Variants in DNAH10 observed in about 807,000 individuals in gnomAD.
The protein encoded by DNAH10 is dynein axonemal heavy chain 10, also known as axonemal beta dynein heavy chain 10.
Under a neutral mutation model 506.6 loss-of-function variants are expected in DNAH10, and 348 were observed. The observed-to-expected ratio is 0.69, with a 90% CI of 0.63 to 0.75. The LOEUF (loss-of-function observed/expected upper bound fraction) is 0.75. Among genes scored for constraint, DNAH10 ranks in the 30% least tolerant of loss-of-function variants. DNAH10 has a pLI of 0.00. For synonymous variants in DNAH10, 2,059 were observed against 2,198.6 expected, an observed-to-expected ratio of 0.94 and a Z score of 1.78; for missense variants, 5,179 against 5,787.1, an observed-to-expected ratio of 0.89 and a Z score of 3.41.
intron 19 of DNAH10, among the ~76,000 whole-genome samples, chr12:123,809,994 C>T (rs1363596023): frequency 2.0e-5 from 3 of 152,172 alleles, no homozygotes; most frequent in African/African-American, 7.2e-5. Context: ...CATCTTCCTA[C>T]CACGTACCAC....
At chr12:123,770,566 C>T (rs553260513) in intron 2 of DNAH10, among the ~76,000 whole-genome samples, 2 of 149,550 alleles carry the variant, frequency 1.3e-5, no homozygotes, top group South Asian at 4.2e-4. Context: ...ATAGACTATT[C>T]CCTTGCCAAC....
rs146982685 is a variant in DNAH10 at position 123,813,174 on chromosome 12, G to A, written c.3155G>A (p.Arg1052His). The A allele has an allele frequency of 2.2e-5, 35 of 1,601,026 alleles. No individual in the cohort carries two copies. In the East Asian group the frequency reaches 2.2e-4, roughly 10 times the overall value. ...TTCTTACTTTGCCAGCATTTTGTTC[G>A]TTGGATGAATGGCAGCTGCATAGAA... ...NCVEITKHFV[R>H]WMNGSCIECP... Residue 1052 changes from arginine (R) to histidine (H), a missense_variant, in exon 20 of 79, where the codon CGT (arginine) becomes CAT (histidine). Transcript: ENST00000673944.
rs7977449 is a variant in DNAH10 at position 123,870,407 on chromosome 12, C to T, written c.7561C>T (p.Arg2521Trp). The part of the protein sequence containing the change: ...TLYDFHFDNK[R>W]NQWVPWSKLV... ...GTATGACTTTCATTTTGATAACAAA[C>T]GGAATCAATGGGTCCCATGGAGTAA... Residue 2521 changes from arginine to tryptophan, a missense_variant, in exon 44 of 79, where the codon CGG (arginine) becomes TGG (tryptophan). Arg to Trp is a moderately radical substitution (Grantham distance 101). Coordinates refer to ENST00000673944, the MANE Select transcript of DNAH10 (RefSeq NM_001372106.1). 9.3e-3 allele frequency: 14,994 copies of T among 1,613,872 alleles called. 194 individuals are homozygous for T. Among genetic ancestry groups the T allele is most frequent in the East Asian group, 0.063 (2,814 of 44,886 alleles).
At chr12:123,920,469 G>C (rs1042449806) in intron 65 of DNAH10, among the ~76,000 whole-genome samples, 10 of 152,358 alleles carry the variant, frequency 6.6e-5, no homozygotes, top group Admixed American at 2.6e-4. Flanking sequence ...CCATGGCTGT[G>C]TTCCAATAAA....
rs758541072 is a variant in DNAH10 at position 123,784,037 on chromosome 12, AG to A, written c.1091del (p.Arg364LysfsTer6). 5 of 1,614,256 alleles carry A rather than the reference AG, an allele frequency of 3.1e-6. No homozygotes were observed. The highest frequency in any genetic ancestry group is 4.2e-6 in the Non-Finnish European group (5 of 1,180,046). On this transcript the variant is annotated frameshift_variant, in exon 8 of 79. Coordinates refer to ENST00000673944, the MANE Select transcript of DNAH10 (RefSeq NM_001372106.1). LOFTEE classifies it high-confidence loss of function. ...TGAACAAACAAAGCTTCCAATAGTC[AG>A]AAAAGTCTTGGATGTGATCAAGGAA... is the stretch of plus-strand genomic sequence containing the variant. ...LHEQTKLPIV[R>X]KVLDVIKESD... is the part of the protein sequence containing the mutation.
At chr12:123,768,928 G>A (rs1454726288) in intron 2 of DNAH10, among the ~76,000 whole-genome samples, 1 of 151,826 alleles carries the variant, frequency 6.6e-6, no homozygotes, top group Non-Finnish European at 1.5e-5. Context: ...TTGTAGAGAT[G>A]GGGTCTCACT....
intron 54 of DNAH10, among the ~76,000 whole-genome samples, chr12:123,896,524 G>A (rs1417381464): frequency 6.6e-6 from 1 of 152,152 alleles, no homozygotes. Flanking sequence ...TGTGCTGGGT[G>A]TCATCCAGCG....
chr12:123,782,394 CCTTT>C (rs761654319), intron 6 of DNAH10, among the ~76,000 whole-genome samples: 136 of 110,138 alleles, frequency 1.2e-3, no homozygotes, highest in African/African-American at 2.8e-3. Flanking sequence ...TCTTTTCTTT[CCTTT>C]CTTTCTTTCT....
At chr12:123,800,474 C>T in intron 15 of DNAH10, 86 bp downstream of exon 15, 2 of 1,220,692 alleles carry the variant, frequency 1.6e-6, no homozygotes, top group East Asian at 2.4e-5. Flanking sequence ...AGGACCCCTC[C>T]AAAAGCTTTC....
chr12:123,818,415 C>T (rs1959182068), intron 21 of DNAH10, among the ~76,000 whole-genome samples: 1 of 151,778 alleles, frequency 6.6e-6, no homozygotes, highest in Non-Finnish European at 1.5e-5. Flanking sequence ...CCTCTGCCTC[C>T]CAGGTTCAAG....
Position 123,813,282 on chromosome 12 carries a change from A to G in DNAH10, c.3263A>G (p.Glu1088Gly). The stretch of plus-strand genomic sequence containing the variant: ...ATCTCTCTGAACCCTCAGATAATTG[A>G]ACAAGCTGTTATGATCCCCCAAAAT... ...NDISLNPQII[E>G]QAVMIPQNVH... Residue 1088 changes from glutamate (E) to glycine (G), a missense_variant, in exon 20 of 79, where the codon GAA becomes GGA. By Grantham distance (98) the Glu-to-Gly change is moderately conservative. Around this residue, in one of 3 missense-constraint regions of DNAH10, gnomAD observed 4,844 missense variants for 5,430.5 expected, o/e 0.89. Transcript: ENST00000673944. 1 of 1,614,206 alleles carries G rather than the reference A, an allele frequency of 6.2e-7. No homozygotes were observed. Among genetic ancestry groups the G allele is most frequent in the African/African-American group, 1.3e-5 (1 of 75,052 alleles).
At position 123,922,984 on chromosome 12, in the gene DNAH10, T is replaced by TA. The variant is rs1566109525; in HGVS notation, c.11507-778dup. On this transcript the variant is annotated intron_variant, in intron 65 of 78. Coordinates refer to ENST00000673944, the MANE Select transcript of DNAH10 (RefSeq NM_001372106.1). ...TTGGGCAGAAAAGAGATTGTTTCTA[T>TA]AGGGCTCACTTAAGTAGCCAACCCT... 2.0e-5 allele frequency: 3 copies of TA among 152,362 alleles called. No individual in the cohort carries two copies. The South Asian group carries it at 6.2e-4, about 32-fold the overall frequency. 9.4% of individuals were successfully genotyped at this position (152,362 alleles called of 1,614,324 possible). A position where few individuals can be genotyped will look rare whatever the true frequency, so the allele number is the denominator to read the frequency against.
At chr12:123,808,488 G>A (rs962809323) in intron 18 of DNAH10, among the ~76,000 whole-genome samples, 36 of 152,342 alleles carry the variant, frequency 2.4e-4, no homozygotes, top group African/African-American at 8.7e-4. Flanking sequence ...AGTAGGGCAG[G>A]CTGGGTGGGG....
intron 64 of DNAH10, 146 bp from the exon 65 acceptor site, chr12:123,918,530 G>T: frequency 2.2e-6 from 2 of 926,344 alleles, no homozygotes; most frequent in South Asian, 3.0e-5. Context: ...CTACAAGAGG[G>T]TGGGTGCCCT....
At position 123,838,676 on chromosome 12, in the gene DNAH10, A is replaced by G; in HGVS notation, c.5123A>G (p.Glu1708Gly). The G allele has an allele frequency of 6.2e-7, 1 of 1,613,692 alleles. No homozygotes were observed. ...LGSSDPLCVQ[E>G]HMIKMYDNIA... ...AGCAGCGACCCACTCTGCGTCCAGG[A>G]GCACATGATCAAGGTCAGCCCTCTG... Residue 1708 changes from glutamate (E) to glycine (G), a missense_variant, in exon 29 of 79, where the codon GAG becomes GGG. Coordinates refer to ENST00000673944, the MANE Select transcript of DNAH10 (RefSeq NM_001372106.1).
chr12:123,924,669 CCCAT>C (rs140637043), intron 67 of DNAH10, among the ~76,000 whole-genome samples: 8,266 of 151,334 alleles, frequency 0.055, 683 homozygotes, highest in African/African-American at 0.18. Context: ...TACCCACCCA[CCCAT>C]CCATCCATTT....
chr12:123,860,969 A>T (rs1951586813), intron 38 of DNAH10, 43 bp from the exon 39 acceptor site: 1 of 1,613,536 alleles, frequency 6.2e-7, no homozygotes, highest in Non-Finnish European at 8.5e-7. Flanking sequence ...TTCCTCATGC[A>T]TTTAGTTGTC....
rs1189108625 is a variant in DNAH10 at position 123,907,107 on chromosome 12, G to C, written c.9816-2154G>C. Among the ~76,000 whole-genome samples, 1 of 152,224 alleles carries C rather than the reference G, an allele frequency of 6.6e-6. No homozygotes were observed. The highest frequency in any genetic ancestry group is 1.5e-5 in the Non-Finnish European group (1 of 68,044). On this transcript the variant is annotated intron_variant, in intron 57 of 78. Transcript: ENST00000673944. This position sits in a 1 kb window ranked among gnomAD's most constrained non-coding sequence, Gnocchi z 4.4. Reference sequence around the variant, plus strand: ...CTTCACTGCGTGGCGCTGACACTCTGTTTTCCTATAGGAATCCCATGTGCA... The same window carrying C: ...CTTCACTGCGTGGCGCTGACACTCTCTTTTCCTATAGGAATCCCATGTGCA...
At chr12:123,847,906 A>G in intron 32 of DNAH10, 55 bp from the exon 33 acceptor site, 1 of 1,548,802 alleles carries the variant, frequency 6.5e-7, no homozygotes, top group Admixed American at 1.9e-5. Context: ...TGGAAATGAC[A>G]CCCACTTCCT....
Sources: allele counts gnomAD v4.1 joint callset (sites outside exome capture counted in the v4.1 genomes callset), GRCh38; gene constraint gnomAD v4.1.1; regional missense constraint gnomAD v4.1.1; non-coding constraint Gnocchi (gnomAD v3.1); transcripts MANE v1.5; gene names NCBI Gene and HGNC (gene_info 2026-07-23, HGNC 2026-07-21).